JAG2: variants seen among roughly 807,000 people sequenced by gnomAD.
JAG2 encodes jagged canonical Notch ligand 2.
JAG2 carries 46 observed loss-of-function variants against 141.7 expected under a neutral mutation model. The ratio of observed to expected loss-of-function variants is 0.32; its 90% CI spans 0.26 to 0.42. The LOEUF is 0.42. Among genes scored for constraint, JAG2 ranks in the 10% least tolerant of loss-of-function variants. The pLI is 1.00. For synonymous variants in JAG2, 862 were observed against 763.5 expected, an observed-to-expected ratio of 1.13 and a Z score of -2.13; for missense variants, 1,500 against 1,817.5, an observed-to-expected ratio of 0.83 and a Z score of 3.18.
chr14:105,160,943 G>T (rs1005717258), intron 2 of JAG2, among the ~76,000 whole-genome samples: 43 of 152,236 alleles, frequency 2.8e-4, no homozygotes, highest in African/African-American at 9.1e-4. Flanking sequence ...GGAAGTGAAG[G>T]AGCTGCATGG....
chr14:105,143,291 C>G, intron 25 of JAG2, 121 bp from the exon 26 acceptor site: 2 of 1,346,670 alleles, frequency 1.5e-6, no homozygotes, highest in Non-Finnish European at 2.0e-6. Context: ...CCTCCGGTTG[C>G]TGGCTCGTGG....
rs184532881 is a variant in JAG2, at chr14:105,156,275, C to A, written c.476-286G>T. On this transcript the variant is annotated intron_variant, in intron 3 of 25. Coordinates refer to ENST00000331782, the MANE Select transcript of JAG2 (RefSeq NM_002226.5). ...GGCCCTGCAGGGAGGGCTGCTGAGACCACAGGCTCCACAGAGAAGGCACGG... is the reference window on the plus strand; with the variant it reads ...GGCCCTGCAGGGAGGGCTGCTGAGAACACAGGCTCCACAGAGAAGGCACGG... Among the ~76,000 whole-genome samples, 3 of 152,260 alleles carry A rather than the reference C, an allele frequency of 2.0e-5. No individual in the cohort carries two copies. The East Asian group carries it at 5.8e-4, about 29-fold the overall frequency.
Position 105,154,238 on chromosome 14 carries a change from A to C in JAG2, c.788+1324T>G, listed in dbSNP as rs1176210011. 1.3e-5 allele frequency among the ~76,000 whole-genome samples: 2 copies of C among 152,124 alleles called. No homozygotes were observed. The highest frequency in any genetic ancestry group is 1.9e-4 in the East Asian group (1 of 5,184). ...GAAATCAGTAGGCTCTCTGTGCCCC[A>C]GTGTCCTCGTCCCATGGAGGCAAAC... On this transcript the variant is annotated intron_variant, in intron 5 of 25. Coordinates refer to ENST00000331782, the MANE Select transcript of JAG2 (RefSeq NM_002226.5). The surrounding 1 kb of genome is among the most constrained non-coding windows in gnomAD (Gnocchi z 4.4).
rs1340486572 is a variant in JAG2 at position 105,167,243 on chromosome 14, G to A, written c.417+514C>T. On this transcript the variant is annotated intron_variant, in intron 2 of 25. Transcript: ENST00000331782. This position sits in a 1 kb window ranked among gnomAD's most constrained non-coding sequence, Gnocchi z 4.8. ...TCTTGGGTCACCATCGGGGGCTTCT[G>A]CCGACATAAGCGTTAGGCGTTAGGC... Among the ~76,000 whole-genome samples the A allele has an allele frequency of 5.3e-5, 8 of 152,210 alleles. No homozygotes were observed. Among genetic ancestry groups the A allele is most frequent in the Non-Finnish European group, 1.0e-4 (7 of 68,046 alleles).
chr14:105,157,670 T>C (rs1333676126), intron 3 of JAG2, 36 bp downstream of exon 3: 1 of 1,541,406 alleles, frequency 6.5e-7, no homozygotes, highest in Non-Finnish European at 8.8e-7. Context: ...ACGCTGAAGC[T>C]GAGAGGAGCT....
Position 105,149,057 on chromosome 14 carries a change from C to T in JAG2, c.1786G>A (p.Gly596Arg), listed in dbSNP as rs1308515148. ...IDGCGSDAGP[G>R]MPGTAASGVC... ...CCGGAGGCTGCTGTGCCAGGCATCCCAGGCCCCGCGTCTGACCCGCAGCCA... is the reference window on the plus strand; with the variant it reads ...CCGGAGGCTGCTGTGCCAGGCATCCTAGGCCCCGCGTCTGACCCGCAGCCA... Residue 596 changes from glycine (G) to arginine (R), a missense_variant, in exon 14 of 26, where the codon GGG (glycine) becomes AGG (arginine). Around this residue, in one of 3 missense-constraint regions of JAG2, gnomAD observed 875 missense variants for 1,202.2 expected, o/e 0.73. Coordinates refer to ENST00000331782, the MANE Select transcript of JAG2 (RefSeq NM_002226.5). 3.7e-6 allele frequency: 6 copies of T among 1,609,662 alleles called. No individual in the cohort carries two copies. In the African/African-American group the frequency reaches 8.0e-5, roughly 21 times the overall value.
chr14:105,144,142 TC>T (rs1355884195), intron 24 of JAG2, among the ~76,000 whole-genome samples: 1 of 151,756 alleles, frequency 6.6e-6, no homozygotes, highest in Non-Finnish European at 1.5e-5. Context: ...GTGATGGCCA[TC>T]CCTTCTTGTC....
chr14:105,145,907 G>T lies in JAG2; in HGVS notation c.2776C>A (p.Leu926Met). ...QPEALSAQCP[L>M]GQRCLEKAPG... ...GCCTTCTCCAGGCACCTTTGCCCCA[G>T]TGGGCACTGGGCGCTCAGGGCCTCG... Residue 926 changes from leucine (L) to methionine (M), a missense_variant, in exon 23 of 26, where the codon CTG (leucine) becomes ATG (methionine). By Grantham distance (15) the Leu-to-Met change is conservative. This residue lies in a region of JAG2 where 875 missense variants were observed against 1,202.2 expected (regional missense o/e 0.73). Coordinates refer to ENST00000331782, the MANE Select transcript of JAG2 (RefSeq NM_002226.5). 6.4e-7 allele frequency: 1 copy of T among 1,569,120 alleles called. No individual in the cohort carries two copies. Among genetic ancestry groups the T allele is most frequent in the Non-Finnish European group, 8.6e-7 (1 of 1,158,238 alleles).
intron 17 of JAG2, 36 bp downstream of exon 17, chr14:105,148,080 T>G (rs1185641015): frequency 1.3e-6 from 2 of 1,499,734 alleles, no homozygotes; most frequent in African/African-American, 2.8e-5. Flanking sequence ...GGAGGGCATA[T>G]GCCCGGCGGT....
At chr14:105,147,682 C>CA in intron 18 of JAG2, 90 bp downstream of exon 18, 1 of 1,097,472 alleles carries the variant, frequency 9.1e-7, no homozygotes, top group Non-Finnish European at 1.4e-6. Flanking sequence ...GGGGGAGGGG[C>CA]TGGCAGAAGG....
At chr14:105,162,376 ACCC>A (rs1256490743) in intron 2 of JAG2, among the ~76,000 whole-genome samples, 2 of 151,688 alleles carry the variant, frequency 1.3e-5, no homozygotes, top group African/African-American at 4.8e-5. Context: ...CTAAGTCTAA[ACCC>A]CTCCTCCTGT....
Position 105,154,730 on chromosome 14 carries a change from G to C in JAG2, c.788+832C>G, listed in dbSNP as rs1057000329. ...ACAGGCCCCGCGTGGCGCAGGCCAG[G>C]CCTCTCCCACGAGCTTTCTGGGTGT... On this transcript the variant is annotated intron_variant, in intron 5 of 25. Transcript: ENST00000331782. This position sits in a 1 kb window ranked among gnomAD's most constrained non-coding sequence, Gnocchi z 4.4. Among the ~76,000 whole-genome samples, 11 of 151,662 alleles carry C rather than the reference G, an allele frequency of 7.3e-5. No homozygotes were observed. The highest frequency in any genetic ancestry group is 6.6e-5 in the Admixed American group (1 of 15,250).
rs932116887 is a variant in JAG2, at chr14:105,167,132, G to A, written c.417+625C>T. ...CCCCGACTCAGCTTCTGCCCCTCCA[G>A]AATAACAAAACCAAAAAAACCCACA... On this transcript the variant is annotated intron_variant, in intron 2 of 25. Transcript: ENST00000331782. The surrounding 1 kb of genome is among the most constrained non-coding windows in gnomAD (Gnocchi z 4.8). Among the ~76,000 whole-genome samples, 1 of 152,102 alleles carries A rather than the reference G, an allele frequency of 6.6e-6. No individual in the cohort carries two copies. The highest frequency in any genetic ancestry group is 2.1e-4 in the South Asian group (1 of 4,824).
Position 105,147,874 on chromosome 14 carries a change from AGCT to A in JAG2, c.2260_2262del (p.Ser754del). 1.3e-6 allele frequency: 2 copies of A among 1,552,608 alleles called. No individual in the cohort carries two copies. The highest frequency in any genetic ancestry group is 1.7e-6 in the Non-Finnish European group (2 of 1,149,572). The stretch of plus-strand genomic sequence containing the variant: ...CCATTCACACAGGGGTTGGGCAGGC[AGCT>A]GCTGTTCTTGGCTGTAAGGAGAGGA... On this transcript the variant is annotated inframe_deletion, in exon 18 of 26. Coordinates refer to ENST00000331782, the MANE Select transcript of JAG2 (RefSeq NM_002226.5).
chr14:105,146,515 G>A lies in JAG2; in HGVS notation c.2594-15C>T. On this transcript the variant is annotated splice_polypyrimidine_tract_variant and intron_variant, in intron 21 of 25. Coordinates refer to ENST00000331782, the MANE Select transcript of JAG2 (RefSeq NM_002226.5). ...GAACCCGATCACTGTGGGGAGAAGGGGCTCGAGGGTCAGCAGTGGGCATCT... is the reference window on the plus strand; with the variant it reads ...GAACCCGATCACTGTGGGGAGAAGGAGCTCGAGGGTCAGCAGTGGGCATCT... 1 of 1,611,222 alleles carries A rather than the reference G, an allele frequency of 6.2e-7. No homozygotes were observed. Among genetic ancestry groups the A allele is most frequent in the Non-Finnish European group, 8.5e-7 (1 of 1,178,554 alleles).
At chr14:105,146,764 A>G in intron 20 of JAG2, 40 bp from the exon 21 acceptor site, 1 of 1,504,224 alleles carries the variant, frequency 6.6e-7, no homozygotes, top group Non-Finnish European at 9.2e-7. Context: ...AGTGAGGCCA[A>G]CGCCCACCGC....
Position 105,143,633 on chromosome 14 carries a change from G to A in JAG2, c.3090C>T (p.Phe1030=). The change falls in exon 25 of 26, where the codon TTC becomes TTT. Residue 1030 remains phenylalanine, a synonymous_variant. Coordinates refer to ENST00000331782, the MANE Select transcript of JAG2 (RefSeq NM_002226.5). The part of the protein sequence containing the change: ...GASAVEVAVS[F]SPARDLPDSS... ...TGTCAGGCAGGTCCCTGGCAGGGCT[G>A]AAGGACTGCGGCAAAGAACGGCATT... The A allele has an allele frequency of 1.2e-6, 2 of 1,607,192 alleles. No homozygotes were observed. The highest frequency in any genetic ancestry group is 1.1e-5 in the South Asian group (1 of 90,692).
At chr14:105,147,749 G>T in intron 18 of JAG2, 23 bp downstream of exon 18, 2 of 1,191,288 alleles carry the variant, frequency 1.7e-6, no homozygotes, top group Non-Finnish European at 2.4e-6. Flanking sequence ...AGCGGCCCCC[G>T]CCCACACCCC....
rs913322541 is a variant in JAG2, at chr14:105,167,749, G to A, written c.417+8C>T. ...AGGGCTGGAGCACGAGGGATGGAGC[G>A]CACGTACCGGCCAGGCGAACTGGAA... On this transcript the variant is annotated splice_region_variant and intron_variant, in intron 2 of 25. Transcript: ENST00000331782. The surrounding 1 kb of genome is among the most constrained non-coding windows in gnomAD (Gnocchi z 4.8). 2 of 1,454,098 alleles carry A rather than the reference G, an allele frequency of 1.4e-6. No individual in the cohort carries two copies. The highest frequency in any genetic ancestry group is 3.1e-5 in the East Asian group (1 of 32,212). 90.1% of individuals were successfully genotyped at this position (1,454,098 alleles called of 1,614,324 possible).
Sources: allele counts gnomAD v4.1 joint callset (sites outside exome capture counted in the v4.1 genomes callset), GRCh38; gene constraint gnomAD v4.1.1; regional missense constraint gnomAD v4.1.1; non-coding constraint Gnocchi (gnomAD v3.1); transcripts MANE v1.5; gene names NCBI Gene and HGNC (gene_info 2026-07-23, HGNC 2026-07-21).